BTBD9: variants seen among roughly 807,000 people sequenced by gnomAD.
BTBD9 encodes the protein BTB/POZ domain-containing protein 9.
Under a neutral mutation model 64.3 loss-of-function variants are expected in BTBD9, and 49 were observed. The ratio of observed to expected loss-of-function variants is 0.76; its 90% CI spans 0.61 to 0.97. BTBD9 has a LOEUF of 0.97. Among genes scored for constraint, BTBD9 ranks in the 50% least tolerant of loss-of-function variants. The pLI is 0.00. For missense variants in BTBD9, 598 were observed against 762.1 expected (o/e 0.78, Z 2.53); for synonymous variants, 260 against 274.7 (o/e 0.95, Z 0.53).
intron 6 of BTBD9, among the ~76,000 whole-genome samples, chr6:38,463,847 C>T (rs1175587757): frequency 2.0e-5 from 3 of 152,260 alleles, no homozygotes; most frequent in Admixed American, 2.0e-4. Context: ...GCCTGGCCAA[C>T]ATGGCGAAAT....
At chr6:38,236,438 C>CT (rs1244775111) in intron 9 of BTBD9, among the ~76,000 whole-genome samples, 1 of 152,172 alleles carries the variant, frequency 6.6e-6, no homozygotes, top group Non-Finnish European at 1.5e-5. Flanking sequence ...CTAACAGAGG[C>CT]TAAAGAACAA....
chr6:38,628,398 G>A (rs778386414), intron 1 of BTBD9, among the ~76,000 whole-genome samples: 1 of 152,166 alleles, frequency 6.6e-6, no homozygotes, highest in Non-Finnish European at 1.5e-5. Flanking sequence ...CTAACCTCTA[G>A]TTAGTGGGTT....
At chr6:38,612,321 T>A (rs1451244484) in intron 1 of BTBD9, among the ~76,000 whole-genome samples, 1 of 152,188 alleles carries the variant, frequency 6.6e-6, no homozygotes, top group East Asian at 1.9e-4. Flanking sequence ...CAACAACTGG[T>A]AAAGGCCTAT....
chr6:38,510,331 T>C (rs1772721994), intron 6 of BTBD9, among the ~76,000 whole-genome samples: 1 of 152,168 alleles, frequency 6.6e-6, no homozygotes, highest in South Asian at 2.1e-4. Flanking sequence ...TCTGTATATC[T>C]AAACACAGAA....
chr6:38,359,662 C>A (rs1488720010), intron 6 of BTBD9, among the ~76,000 whole-genome samples: 1 of 152,112 alleles, frequency 6.6e-6, no homozygotes, highest in East Asian at 1.9e-4. Context: ...CCCTCTGGCC[C>A]GTCATTAGGC....
chr6:38,197,541 G>A (rs951505735), intron 9 of BTBD9, among the ~76,000 whole-genome samples: 1 of 152,178 alleles, frequency 6.6e-6, no homozygotes, highest in Non-Finnish European at 1.5e-5. Flanking sequence ...TCATAAGGTG[G>A]CCTCAGGTAA....
intron 6 of BTBD9, chr6:38,482,609 T>A (rs1693944827): frequency 6.6e-6 from 1 of 152,190 alleles, no homozygotes; most frequent in African/African-American, 2.4e-5. Flanking sequence ...GTAGCTGTCA[T>A]TCCTTCAACT....
Position 38,569,218 on chromosome 6 carries a change from A to G in BTBD9, c.1154+8382T>C, listed in dbSNP as rs1355246558. Among the ~76,000 whole-genome samples, 3 of 152,212 alleles carry G rather than the reference A, an allele frequency of 2.0e-5. No individual in the cohort carries two copies. In the East Asian group the frequency reaches 5.8e-4, roughly 29 times the overall value. The stretch of plus-strand genomic sequence containing the variant: ...TTTTGCCTGGAAGGGCAAAAACTAT[A>G]TCATGAAATTCTTGACAGCGGCCAC... On this transcript the variant is annotated intron_variant, in intron 6 of 10. Transcript: ENST00000481247.
intron 6 of BTBD9, among the ~76,000 whole-genome samples, chr6:38,453,404 G>A (rs1769646496): frequency 1.3e-5 from 2 of 152,014 alleles, no homozygotes; most frequent in Non-Finnish European, 1.5e-5. Flanking sequence ...ATGAAACTCC[G>A]TTCTCTGTTG....
intron 8 of BTBD9, among the ~76,000 whole-genome samples, chr6:38,258,714 C>T (rs1053472585): frequency 3.3e-5 from 5 of 152,070 alleles, no homozygotes; most frequent in Admixed American, 6.5e-5. Context: ...CACAGTGAAA[C>T]GCCGTCTCTA....
chr6:38,536,298 T>C (rs1323458899), intron 6 of BTBD9, among the ~76,000 whole-genome samples: 1 of 152,116 alleles, frequency 6.6e-6, no homozygotes, highest in African/African-American at 2.4e-5. Context: ...CCAGTTAAAA[T>C]GGCTTTTATC....
intron 6 of BTBD9, among the ~76,000 whole-genome samples, chr6:38,484,163 A>G (rs1000844372): frequency 6.6e-6 from 1 of 152,240 alleles, no homozygotes; most frequent in African/African-American, 2.4e-5. Context: ...AACTGTAGAC[A>G]TGCACAGAAG....
chr6:38,634,318 C>T (rs1778459706), intron 1 of BTBD9, among the ~76,000 whole-genome samples: 1 of 152,158 alleles, frequency 6.6e-6, no homozygotes, highest in Non-Finnish European at 1.5e-5. Context: ...ACATGTAAAA[C>T]CCAAAGAATA....
At chr6:38,462,622 T>A (rs985644975) in intron 6 of BTBD9, among the ~76,000 whole-genome samples, 1 of 152,232 alleles carries the variant, frequency 6.6e-6, no homozygotes, top group Admixed American at 6.5e-5. Flanking sequence ...TTGGCTTCTT[T>A]GCATTTCTAC....
chr6:38,175,414 T>C (rs1218007821), intron 10 of BTBD9, among the ~76,000 whole-genome samples: 1 of 152,238 alleles, frequency 6.6e-6, no homozygotes, highest in Non-Finnish European at 1.5e-5. Context: ...GGCCCAAAAG[T>C]TAGAGACACC....
At chr6:38,186,850 T>C (rs1450493056) in intron 10 of BTBD9, among the ~76,000 whole-genome samples, 1 of 152,178 alleles carries the variant, frequency 6.6e-6, no homozygotes, top group Non-Finnish European at 1.5e-5. Flanking sequence ...TTCCTTTTCC[T>C]ACAGTCCTTT....
intron 4 of BTBD9, among the ~76,000 whole-genome samples, chr6:38,580,680 G>C (rs1363500510): frequency 6.6e-6 from 1 of 151,816 alleles, no homozygotes; most frequent in Non-Finnish European, 1.5e-5. Context: ...TGGATCACTT[G>C]AGCCCAGGAG....
chr6:38,413,028 G>T (rs2814896), intron 6 of BTBD9, among the ~76,000 whole-genome samples: 1 of 151,944 alleles, frequency 6.6e-6, no homozygotes, highest in South Asian at 2.1e-4. Flanking sequence ...GCTACCAACC[G>T]CCTAACCCTT....
chr6:38,245,145 G>T (rs1307379799), intron 9 of BTBD9, among the ~76,000 whole-genome samples: 1 of 152,158 alleles, frequency 6.6e-6, no homozygotes, highest in Non-Finnish European at 1.5e-5. Context: ...TACTACTATG[G>T]ATCAAAGAGT....
Sources: allele counts gnomAD v4.1 joint callset (sites outside exome capture counted in the v4.1 genomes callset), GRCh38; gene constraint gnomAD v4.1.1; transcripts MANE v1.5; gene names NCBI Gene and HGNC (gene_info 2026-07-23, HGNC 2026-07-21).